UNKL: variants seen among roughly 807,000 people sequenced by gnomAD.
UNKL encodes the protein putative E3 ubiquitin-protein ligase UNKL.
UNKL carries 60 observed loss-of-function variants against 78.0 expected under a neutral mutation model. That is an observed-to-expected ratio of 0.77 (90% CI 0.63 to 0.95). The LOEUF is 0.95. UNKL is among the 40% of genes least tolerant of loss of function. The pLI, the probability that UNKL is intolerant of heterozygous loss-of-function variation, is 0.00. For synonymous variants in UNKL, 608 were observed against 474.8 expected (o/e 1.28, Z -3.65); for missense variants, 1,159 against 1,045.7 (o/e 1.11, Z -1.49).
At chr16:1,412,862 G>C (rs2038103072) in intron 2 of UNKL, among the ~76,000 whole-genome samples, 1 of 151,902 alleles carries the variant, frequency 6.6e-6, no homozygotes, top group Admixed American at 6.6e-5. Context: ...GTTGAGACCA[G>C]ACCAGGCTAC....
chr16:1,385,490 C>T (rs893110723), intron 9 of UNKL, 105 bp from the exon 10 acceptor site: 3 of 1,185,970 alleles, frequency 2.5e-6, no homozygotes, highest in East Asian at 3.3e-5. Flanking sequence ...CCAACTTCTA[C>T]GCCCTGGCGA....
intron 2 of UNKL, chr16:1,406,011 G>C (rs2037744701): frequency 2.2e-6 from 1 of 456,650 alleles, no homozygotes; most frequent in East Asian, 6.9e-5. Context: ...GGTCCCCCCA[G>C]CTGGTGTGGA....
chr16:1,377,507 A>C (rs1725664807), intron 10 of UNKL, among the ~76,000 whole-genome samples: 1 of 143,746 alleles, frequency 7.0e-6, no homozygotes. Context: ...CTCTGCCTCC[A>C]CTCCCCCTGC....
intron 9 of UNKL, among the ~76,000 whole-genome samples, chr16:1,390,338 A>G (rs967314899): frequency 1.3e-5 from 2 of 152,232 alleles, no homozygotes; most frequent in Admixed American, 1.3e-4. Flanking sequence ...AGCCCAAAAA[A>G]GTAACACAGA....
At chr16:1,398,607 A>T (rs1215428462) in intron 5 of UNKL, 2 of 1,418,452 alleles carry the variant, frequency 1.4e-6, no homozygotes, top group African/African-American at 2.9e-5. Flanking sequence ...GCTCAAAGGA[A>T]GAGCTGGACA....
At chr16:1,406,090 C>T (rs1396765977) in intron 2 of UNKL, 3 of 456,454 alleles carry the variant, frequency 6.6e-6, no homozygotes, top group Non-Finnish European at 1.3e-5. Flanking sequence ...GCTTAGGAGA[C>T]AGGCAGTGTA....
In UNKL at chr16:1,367,220, G is replaced by C. The variant is rs1351558490; in HGVS notation, c.1918C>G (p.Leu640Val). ...EAQVKQLQEE[L>V]EGLGVASTLP... ...GTGGAGGCTACGCCCAGGCCCTCCA[G>C]CTCCTCCTGCAGCTGCTTCACCTGT... is the stretch of plus-strand genomic sequence containing the variant. The change falls in exon 14 of 15, where the codon CTG (leucine) becomes GTG (valine). Residue 640 changes from leucine to valine, a missense_variant. Leu to Val is a conservative substitution (Grantham distance 32, BLOSUM62 1). Transcript: ENST00000389221. 1.2e-6 allele frequency: 2 copies of C among 1,602,558 alleles called. No individual in the cohort carries two copies. The highest frequency in any genetic ancestry group is 3.4e-5 in the Admixed American group (2 of 59,232).
Position 1,366,149 on chromosome 16 carries a change from G to C in UNKL, c.*91C>G. The C allele has an allele frequency of 7.3e-7, 1 of 1,360,956 alleles. No homozygotes were observed. Among genetic ancestry groups the C allele is most frequent in the Non-Finnish European group, 9.6e-7 (1 of 1,043,112 alleles). 84.3% of individuals were successfully genotyped at this position (1,360,956 alleles called of 1,614,324 possible). On this transcript the variant is annotated 3_prime_UTR_variant, in exon 15 of 15. Coordinates refer to ENST00000389221, the MANE Select transcript of UNKL (RefSeq NM_001372107.1). ...GGCTCCCAGCCTCGGTCCTCACGTC[G>C]GTGGCACCAGAAGCGAGTGACGACA...
intron 9 of UNKL, among the ~76,000 whole-genome samples, chr16:1,388,156 A>G (rs2036896830): frequency 6.6e-6 from 1 of 152,122 alleles, no homozygotes; most frequent in South Asian, 2.1e-4. Flanking sequence ...TTTGCAGAGC[A>G]GGCCTGCCCC....
At chr16:1,366,929 G>A (rs983820754) in intron 14 of UNKL, among the ~76,000 whole-genome samples, 163 bp downstream of exon 14, 4 of 152,150 alleles carry the variant, frequency 2.6e-5, no homozygotes, top group African/African-American at 9.7e-5. Flanking sequence ...GGAGGCCACA[G>A]GGGGCTGTGC....
At position 1,403,250 on chromosome 16, in the gene UNKL, G is replaced by C. The variant is rs1183329970; in HGVS notation, c.382C>G (p.Arg128Gly). Reference protein sequence around the residue: ...TGTCIHETDARGHCVKNGLHC... With the variant: ...TGTCIHETDAGGHCVKNGLHC... Reference sequence around the variant, plus strand: ...AGCCCATTCTTCACGCAGTGGCCACGTGCGTCTGTCTCGTGGATGCAGGTT... The same window carrying C: ...AGCCCATTCTTCACGCAGTGGCCACCTGCGTCTGTCTCGTGGATGCAGGTT... Residue 128 changes from arginine (R) to glycine (G), a missense_variant, in exon 3 of 15, where the codon CGT (arginine) becomes GGT (glycine). Arg to Gly is a moderately radical substitution (Grantham distance 125). Coordinates refer to ENST00000389221, the MANE Select transcript of UNKL (RefSeq NM_001372107.1). This position sits in a 1 kb window ranked among gnomAD's most constrained non-coding sequence, Gnocchi z 4.8. 2 of 1,614,186 alleles carry C rather than the reference G, an allele frequency of 1.2e-6. No individual in the cohort carries two copies. Among genetic ancestry groups the C allele is most frequent in the African/African-American group, 1.3e-5 (1 of 75,054 alleles).
chr16:1,412,463 T>G (rs113537023), intron 2 of UNKL, among the ~76,000 whole-genome samples: 2 of 151,762 alleles, frequency 1.3e-5, no homozygotes, highest in Non-Finnish European at 2.9e-5. Context: ...ATACAAAAAC[T>G]TAGCTAGGCG....
intron 2 of UNKL, among the ~76,000 whole-genome samples, chr16:1,413,243 CAAAAAAAAAAAAAAAAAAAAAAAA>C (rs546295462): frequency 8.4e-5 from 6 of 71,646 alleles, no homozygotes; most frequent in African/African-American, 2.8e-4. Flanking sequence ...GACCCTGTCT[CAAAAAAAAAAAAAAAAAAAAAAAA>C]AAAAAAAAAA....
Position 1,399,051 on chromosome 16 carries a change from G to A in UNKL, c.734+323C>T, listed in dbSNP as rs2142184959. On this transcript the variant is annotated intron_variant, in intron 5 of 14. Coordinates refer to ENST00000389221, the MANE Select transcript of UNKL (RefSeq NM_001372107.1). This position sits in a 1 kb window ranked among gnomAD's most constrained non-coding sequence, Gnocchi z 5.8. Reference sequence around the variant, plus strand: ...CTGGAGAGCGTGGCTGCAACCAGAGGCACGGGTGGGGCACACGGGGGTCCC... The same window carrying A: ...CTGGAGAGCGTGGCTGCAACCAGAGACACGGGTGGGGCACACGGGGGTCCC... 1 of 1,405,606 alleles carries A rather than the reference G, an allele frequency of 7.1e-7. No individual in the cohort carries two copies. 87.1% of individuals were successfully genotyped at this position (1,405,606 alleles called of 1,614,324 possible).
chr16:1,374,973 G>C (rs1337646021), intron 10 of UNKL, among the ~76,000 whole-genome samples: 1 of 152,212 alleles, frequency 6.6e-6, no homozygotes, highest in Non-Finnish European at 1.5e-5. Flanking sequence ...ACAGCTGTGG[G>C]GCACGTGGCC....
intron 2 of UNKL, among the ~76,000 whole-genome samples, chr16:1,404,807 A>G (rs56871068): frequency 0.011 from 1,635 of 152,090 alleles, 38 homozygotes; most frequent in African/African-American, 0.037. Flanking sequence ...GGGTACACGC[A>G]GGCTTCCGTC....
chr16:1,367,071 C>G, intron 14 of UNKL, 21 bp downstream of exon 14: 2 of 1,511,096 alleles, frequency 1.3e-6, no homozygotes, highest in South Asian at 2.6e-5. Context: ...GGCCCCTCAC[C>G]CTGCCCAGAG....
chr16:1,371,425 C>T (rs2035829126), intron 11 of UNKL, 94 bp downstream of exon 11: 5 of 1,278,408 alleles, frequency 3.9e-6, no homozygotes, highest in Non-Finnish European at 5.4e-6. Flanking sequence ...CTCACTGCAG[C>T]CTTGACCTCC....
At chr16:1,407,868 G>T (rs369974167) in intron 2 of UNKL, among the ~76,000 whole-genome samples, 6 of 152,302 alleles carry the variant, frequency 3.9e-5, no homozygotes, top group African/African-American at 1.4e-4. Context: ...CTCGTTCTGT[G>T]GCTACACAGC....
Sources: gnomAD v4.1 joint callset for allele counts (sites outside exome capture counted in the v4.1 genomes callset) on GRCh38, gnomAD v4.1.1 for gene constraint, Gnocchi (gnomAD v3.1) non-coding constraint, MANE v1.5 for transcripts, NCBI Gene and HGNC (gene_info 2026-07-23, HGNC 2026-07-21) for gene names.